NIT1: variants seen among roughly 807,000 people sequenced by gnomAD.
NIT1 encodes the protein nitrilase 1.
A neutral mutation model predicts 36.8 loss-of-function variants in NIT1; 30 were observed. The observed-to-expected ratio is 0.82, with a 90% confidence interval of 0.61 to 1.11. The LOEUF (loss-of-function observed/expected upper bound fraction) is 1.11. Among genes scored for constraint, NIT1 ranks in the 50% least tolerant of loss-of-function variants. The probability of loss-of-function intolerance (pLI) is 0.00; values close to 1 mark genes in which losing one functional copy is unlikely to be tolerated. For synonymous variants in NIT1, 151 were observed against 155.6 expected (o/e 0.97, Z 0.22); for missense variants, 438 against 410.6 (o/e 1.07, Z -0.58).
At chr1:161,122,376 G>A, downstream of NIT1, 3 of 1,614,176 alleles carry the variant, frequency 1.9e-6, no homozygotes, top group Non-Finnish European at 2.5e-6. The surrounding 1 kb of genome is among the most constrained non-coding windows in gnomAD (Gnocchi z 4.2). Flanking sequence ...ACAGATGATG[G>A]AGCCCAGGTC....
At position 161,118,781 on chromosome 1, in the gene NIT1, C is replaced by T. The variant is rs1655096824; in HGVS notation, c.3-5C>T. The T allele has an allele frequency of 6.2e-7, 1 of 1,609,522 alleles. No homozygotes were observed. The highest frequency in any genetic ancestry group is 8.5e-7 in the Non-Finnish European group (1 of 1,175,840). ...GTTGGTGTCCTCATATCTCACCTTC[C>T]TCAGGCTGGGCTTCATCACCAGGCC... On this transcript the variant is annotated splice_polypyrimidine_tract_variant and splice_region_variant and intron_variant, in intron 1 of 6. Coordinates refer to ENST00000368009, the MANE Select transcript of NIT1 (RefSeq NM_005600.3).
chr1:161,119,264 C>G lies in NIT1; in HGVS notation c.229C>G (p.Leu77Val). The G allele has an allele frequency of 1.2e-6, 2 of 1,614,208 alleles. No homozygotes were observed. The highest frequency in any genetic ancestry group is 1.7e-6 in the Non-Finnish European group (2 of 1,180,034). The change falls in exon 3 of 7, where the codon CTG becomes GTG. Residue 77 changes from leucine to valine, a missense_variant. Transcript: ENST00000368009. ...CAELVREAAR[L>V]GACLAFLPEA... ...TGAGCTGGTTCGAGAGGCTGCCAGACTGGGTGCCTGCCTGGCTTTCCTGCC... is the reference window on the plus strand; with the variant it reads ...TGAGCTGGTTCGAGAGGCTGCCAGAGTGGGTGCCTGCCTGGCTTTCCTGCC...
At chr1:161,121,292 C>T (rs994945949), downstream of NIT1, 2 of 593,558 alleles carry the variant, frequency 3.4e-6, no homozygotes, top group African/African-American at 2.0e-5. Flanking sequence ...CCTATGATGC[C>T]CTTTGCCCAA....
intron 2 of NIT1, 35 bp downstream of exon 2, chr1:161,118,916 C>G (rs1439237012): frequency 1.3e-6 from 2 of 1,500,736 alleles, no homozygotes; most frequent in East Asian, 2.3e-5. Context: ...GTGCCTGGCA[C>G]TTAGATGCTC....
downstream of NIT1, chr1:161,121,796 G>C: frequency 5.2e-6 from 1 of 190,638 alleles, no homozygotes. Context: ...CAGAAGTATT[G>C]ATAACTCCTT....
In NIT1 at chr1:161,119,909, C is replaced by G. The variant is rs1315826766; in HGVS notation, c.548C>G (p.Pro183Arg). The G allele has an allele frequency of 6.2e-7, 1 of 1,612,656 alleles. No individual in the cohort carries two copies. The highest frequency in any genetic ancestry group is 8.5e-7 in the Non-Finnish European group (1 of 1,179,724). ...GPMCESNSTM[P>R]GPSLESPVST... ...ATGTGTGAAAGCAACTCTACCATGC[C>G]TGGGCCCAGTCTTGAGTCACCTGTC... Residue 183 changes from proline (P) to arginine (R), a missense_variant, in exon 5 of 7, where the codon CCT (proline) becomes CGT (arginine). Coordinates refer to ENST00000368009, the MANE Select transcript of NIT1 (RefSeq NM_005600.3).
downstream of NIT1, chr1:161,123,052 C>T: frequency 6.2e-7 from 1 of 1,614,254 alleles, no homozygotes; most frequent in Admixed American, 1.7e-5. Flanking sequence ...TGCTCCATCT[C>T]TGGAACCCTT....
chr1:161,120,084 AAGT>A lies in NIT1; in HGVS notation c.592-20_592-18del. On this transcript the variant is annotated intron_variant, in intron 5 of 6. Coordinates refer to ENST00000368009, the MANE Select transcript of NIT1 (RefSeq NM_005600.3). ...TGACAAACAGAGCAGGAAGACTACTAAGTAGGCTGTTTTTCATTCCAGATTGGT... is the reference window on the plus strand; with the variant it reads ...TGACAAACAGAGCAGGAAGACTACTAAGGCTGTTTTTCATTCCAGATTGGT... 2 of 1,614,066 alleles carry A rather than the reference AAGT, an allele frequency of 1.2e-6. No individual in the cohort carries two copies. Among genetic ancestry groups the A allele is most frequent in the Non-Finnish European group, 1.7e-6 (2 of 1,179,982 alleles).
Position 161,118,767 on chromosome 1 carries a change from C to T in NIT1, c.3-19C>T, listed in dbSNP as rs1356145419. ...TGCTTGAAGAAGGGGTTGGTGTCCTCATATCTCACCTTCCTCAGGCTGGGC... is the reference window on the plus strand; with the variant it reads ...TGCTTGAAGAAGGGGTTGGTGTCCTTATATCTCACCTTCCTCAGGCTGGGC... On this transcript the variant is annotated intron_variant, in intron 1 of 6. Coordinates refer to ENST00000368009, the MANE Select transcript of NIT1 (RefSeq NM_005600.3). 2 of 1,586,108 alleles carry T rather than the reference C, an allele frequency of 1.3e-6. No homozygotes were observed. The highest frequency in any genetic ancestry group is 1.7e-6 in the Non-Finnish European group (2 of 1,154,658).
At chr1:161,123,872 G>A (rs768292725), downstream of NIT1, 5 of 1,613,900 alleles carry the variant, frequency 3.1e-6, no homozygotes, top group Non-Finnish European at 4.2e-6. Context: ...CTTGGTTCTG[G>A]ATCACTGAGG....
chr1:161,120,799 C>T lies in NIT1; in HGVS notation c.*34C>T. Reference sequence around the variant, plus strand: ...TTCTGTGAGTTTAGACCTGCCCCTCCCACCCCCACCCTGCCACTATGAGCT... The same window carrying T: ...TTCTGTGAGTTTAGACCTGCCCCTCTCACCCCCACCCTGCCACTATGAGCT... On this transcript the variant is annotated 3_prime_UTR_variant, in exon 7 of 7. Coordinates refer to ENST00000368009, the MANE Select transcript of NIT1 (RefSeq NM_005600.3). 1 of 1,590,776 alleles carries T rather than the reference C, an allele frequency of 6.3e-7. No homozygotes were observed. Among genetic ancestry groups the T allele is most frequent in the Non-Finnish European group, 8.6e-7 (1 of 1,169,034 alleles).
downstream of NIT1, chr1:161,124,551 T>A: frequency 2.6e-6 from 4 of 1,519,522 alleles, no homozygotes; most frequent in Non-Finnish European, 3.5e-6. Context: ...AAAGAACCGA[T>A]GAGACACTCA....
downstream of NIT1, chr1:161,125,092 G>GAAAAAAAAGA (rs1656024078): frequency 6.6e-6 from 1 of 151,790 alleles, no homozygotes; most frequent in Non-Finnish European, 1.5e-5. Context: ...CCCCATCTCG[G>GAAAAAAAAGA]AAAAAAAAGA....
At chr1:161,121,972 G>A, downstream of NIT1, 1 of 775,962 alleles carries the variant, frequency 1.3e-6, no homozygotes, top group South Asian at 1.9e-5. Flanking sequence ...CAGGCACATG[G>A]GTGCAGGGAG....
At chr1:161,124,731 G>A (rs1655969059), downstream of NIT1, 1 of 527,102 alleles carries the variant, frequency 1.9e-6, no homozygotes. Flanking sequence ...GGAGGCCAAG[G>A]CAGGAGGATC....
At chr1:161,119,640 C>T in intron 4 of NIT1, 28 bp downstream of exon 4, 2 of 1,588,002 alleles carry the variant, frequency 1.3e-6, no homozygotes, top group Non-Finnish European at 1.7e-6. Flanking sequence ...TTTAGCCTGC[C>T]TCTTCCCATG....
At chr1:161,123,702 G>T, downstream of NIT1, 2 of 719,484 alleles carry the variant, frequency 2.8e-6, no homozygotes, top group Non-Finnish European at 4.6e-6. Flanking sequence ...ATGTCACCTC[G>T]CCTGATTTTT....
rs1251182681 is a variant in NIT1 at position 161,118,148 on chromosome 1, A to T, written c.-29A>T. The T allele has an allele frequency of 6.2e-7, 1 of 1,613,940 alleles. No homozygotes were observed. The highest frequency in any genetic ancestry group is 1.7e-5 in the Admixed American group (1 of 60,018). ...GGCTCCAGACCGCCCTCCGGATCGG[A>T]CCCTGCGAATGGTTTTGGCTATATC... On this transcript the variant is annotated 5_prime_UTR_variant, in exon 1 of 7. Coordinates refer to ENST00000368009, the MANE Select transcript of NIT1 (RefSeq NM_005600.3).
At chr1:161,124,093 C>T (rs765160728), downstream of NIT1, 46 of 1,587,378 alleles carry the variant, frequency 2.9e-5, no homozygotes, top group Non-Finnish European at 3.8e-5. Context: ...TCCTTCCTGG[C>T]CTCCCACAAC....
Sources: gnomAD v4.1 joint callset for allele counts on GRCh38, gnomAD v4.1.1 for gene constraint, Gnocchi (gnomAD v3.1) non-coding constraint, MANE v1.5 for transcripts, NCBI Gene and HGNC (gene_info 2026-07-23, HGNC 2026-07-21) for gene names.